Variants in ATP2B2 observed in about 807,000 individuals in gnomAD.
ATP2B2 encodes the protein plasma membrane calcium-transporting ATPase 2.
In ATP2B2, 15 loss-of-function variants were observed where a neutral mutation model predicts 120.0. The ratio of observed to expected loss-of-function variants is 0.12; its 90% CI spans 0.08 to 0.19. The LOEUF (loss-of-function observed/expected upper bound fraction) is 0.19. Ranked by LOEUF, ATP2B2 falls within the 10% of genes least tolerant of loss-of-function variation. The pLI is 1.00. For synonymous variants in ATP2B2, 694 were observed against 700.3 expected (o/e 0.99, Z 0.14); for missense variants, 1,045 against 1,719.8 (o/e 0.61, Z 6.94).
chr3:10,344,976 C>T (rs2060388818), intron 18 of ATP2B2, among the ~76,000 whole-genome samples: 1 of 152,242 alleles, frequency 6.6e-6, no homozygotes, highest in Non-Finnish European at 1.5e-5. Flanking sequence ...AGGGCCCCCA[C>T]TGGCTCTTTG....
chr3:10,495,508 C>T (rs959348940), intron 1 of ATP2B2, among the ~76,000 whole-genome samples: 3 of 152,176 alleles, frequency 2.0e-5, no homozygotes, highest in East Asian at 3.8e-4. Context: ...CGAAATTGCT[C>T]GCTAAACGAG....
rs80203083 is a variant in ATP2B2, at chr3:10,351,707, C to T, written c.2137-1130G>A. Among the ~76,000 whole-genome samples the T allele has an allele frequency of 5.5e-3, 842 of 152,188 alleles. 7 individuals carry two copies. Among genetic ancestry groups the T allele is most frequent in the African/African-American group, 0.019 (790 of 41,520 alleles). ...TAGTGGTAAATCCAGCTAAAATGAG[C>T]GCATCACGGTAAGCCCTAATCCAAC... On this transcript the variant is annotated intron_variant, in intron 14 of 22. Coordinates refer to ENST00000360273, the MANE Select transcript of ATP2B2 (RefSeq NM_001001331.4).
At chr3:10,597,119 A>G (rs1469428634) in intron 2 of ATP2B2, among the ~76,000 whole-genome samples, 1 of 151,326 alleles carries the variant, frequency 6.6e-6, no homozygotes, top group Non-Finnish European at 1.5e-5. Flanking sequence ...ACACGCACAC[A>G]CACATGCACA....
At position 10,546,516 on chromosome 3, in the gene ATP2B2, C is replaced by T. The variant is rs148129537; in HGVS notation, c.-414-12383G>A. Reference sequence around the variant, plus strand: ...GCCCCAGCTGCCAACCTCTCCACCCCGCTGGGGCCACTCAGCCCCTACATG... The same window carrying T: ...GCCCCAGCTGCCAACCTCTCCACCCTGCTGGGGCCACTCAGCCCCTACATG... On this transcript the variant is annotated intron_variant, in intron 2 of 21. Coordinates refer to the ATP2B2 transcript ENST00000646379. Among the ~76,000 whole-genome samples the T allele has an allele frequency of 5.3e-5, 8 of 152,336 alleles. No individual in the cohort carries two copies. In the East Asian group the frequency reaches 1.2e-3, roughly 22 times the overall value.
At chr3:10,706,597 G>C (rs1285811034) in intron 1 of ATP2B2, among the ~76,000 whole-genome samples, 1 of 152,186 alleles carries the variant, frequency 6.6e-6, no homozygotes. Flanking sequence ...GGAAGGCCAC[G>C]GGAATGATTA....
chr3:10,680,334 G>A (rs1445444064), intron 1 of ATP2B2, among the ~76,000 whole-genome samples: 1 of 151,982 alleles, frequency 6.6e-6, no homozygotes, highest in African/African-American at 2.4e-5. Flanking sequence ...TGGAGGCCCA[G>A]GTGAGTGGTA....
intron 2 of ATP2B2, among the ~76,000 whole-genome samples, chr3:10,593,420 C>A (rs1431605417): frequency 1.3e-5 from 2 of 152,194 alleles, no homozygotes; most frequent in South Asian, 2.1e-4. Flanking sequence ...CGGCCTAGAA[C>A]AGGCTGTCTC....
chr3:10,522,164 T>A (rs73026868), intron 3 of ATP2B2, among the ~76,000 whole-genome samples: 5,599 of 152,290 alleles, frequency 0.037, 202 homozygotes, highest in East Asian at 0.19. Context: ...GTTGCCAAGA[T>A]GAAAAGTGCA....
chr3:10,412,090 T>C (rs1419319374), intron 2 of ATP2B2, among the ~76,000 whole-genome samples: 1 of 152,226 alleles, frequency 6.6e-6, no homozygotes, highest in Non-Finnish European at 1.5e-5. Context: ...GCTTTTGCCA[T>C]GTGGCTTCCA....
chr3:10,367,090 G>A (rs1484497786), intron 12 of ATP2B2, among the ~76,000 whole-genome samples: 4 of 152,170 alleles, frequency 2.6e-5, no homozygotes, highest in African/African-American at 9.7e-5. Flanking sequence ...GCGCTGGGAG[G>A]AGAAAGCCCA....
chr3:10,493,238 G>A (rs73119488), intron 1 of ATP2B2, among the ~76,000 whole-genome samples: 6,433 of 152,180 alleles, frequency 0.042, 449 homozygotes, highest in African/African-American at 0.15. Flanking sequence ...GCCATGACAG[G>A]GAATATAGGT....
intron 5 of ATP2B2, among the ~76,000 whole-genome samples, chr3:10,391,627 G>C (rs148207814): frequency 2.2e-4 from 33 of 152,258 alleles, no homozygotes; most frequent in Admixed American, 6.5e-4. Flanking sequence ...TGCGCTCCCC[G>C]CCCAGACCTG....
At chr3:10,399,118 T>C (rs1050899063) in intron 5 of ATP2B2, among the ~76,000 whole-genome samples, 1 of 152,190 alleles carries the variant, frequency 6.6e-6, no homozygotes, top group Non-Finnish European at 1.5e-5. Flanking sequence ...GAAGTTTCCA[T>C]CTTCTTAGGC....
chr3:10,419,578 G>A (rs1033541758), intron 2 of ATP2B2, among the ~76,000 whole-genome samples: 1 of 152,192 alleles, frequency 6.6e-6, no homozygotes, highest in African/African-American at 2.4e-5. Flanking sequence ...TCCTTCCTAT[G>A]TGACCTTGAG....
intron 2 of ATP2B2, among the ~76,000 whole-genome samples, chr3:10,581,823 T>C (rs2068397210): frequency 6.6e-6 from 1 of 152,178 alleles, no homozygotes; most frequent in South Asian, 2.1e-4. Flanking sequence ...ATCATGGGCT[T>C]GTGTGAGGGT....
Position 10,449,539 on chromosome 3 carries a change from C to G in ATP2B2, c.5G>C (p.Gly2Ala), listed in dbSNP as rs199652706. The G allele has an allele frequency of 1.9e-6, 3 of 1,614,128 alleles. No individual in the cohort carries two copies. The highest frequency in any genetic ancestry group is 1.7e-5 in the Admixed American group (1 of 60,014). The change falls in exon 2 of 23, where the codon GGT becomes GCT. Residue 2 changes from glycine to alanine, a missense_variant. Coordinates refer to ENST00000360273, the MANE Select transcript of ATP2B2 (RefSeq NM_001001331.4). M[G>A]DMTNSDFYSK... ...GTAAAAGTCGCTGTTGGTCATGTCA[C>G]CCATGTTTGCTGCGGTCCTTGCTCG...
intron 1 of ATP2B2, among the ~76,000 whole-genome samples, chr3:10,470,669 C>A (rs2064946414): frequency 6.6e-6 from 1 of 152,222 alleles, no homozygotes; most frequent in Admixed American, 6.5e-5. Context: ...GCCAAGTTCA[C>A]TGGCAGAGTC....
rs2059932856 is a variant in ATP2B2 at position 10,329,876 on chromosome 3, A to G, written c.3421-751T>C. Reference sequence around the variant, plus strand: ...CACACACAGACAGACACACGGCTACACTTGGAAGCCTGGACAATGTGAACG... The same window carrying G: ...CACACACAGACAGACACACGGCTACGCTTGGAAGCCTGGACAATGTGAACG... On this transcript the variant is annotated intron_variant, in intron 22 of 22. Transcript: ENST00000360273. The surrounding 1 kb of genome is among the most constrained non-coding windows in gnomAD (Gnocchi z 5.9). 6.6e-6 allele frequency among the ~76,000 whole-genome samples: 1 copy of G among 152,188 alleles called. No individual in the cohort carries two copies.
At chr3:10,608,418 T>C (rs955965821) in intron 2 of ATP2B2, among the ~76,000 whole-genome samples, 2 of 152,226 alleles carry the variant, frequency 1.3e-5, no homozygotes, top group African/African-American at 4.8e-5. Flanking sequence ...AGTGAGACCT[T>C]ACCTCTTAAC....
Sources: gnomAD v4.1 joint callset for allele counts (sites outside exome capture counted in the v4.1 genomes callset) on GRCh38, gnomAD v4.1.1 for gene constraint, Gnocchi (gnomAD v3.1) non-coding constraint, MANE v1.5 for transcripts, NCBI Gene and HGNC (gene_info 2026-07-23, HGNC 2026-07-21) for gene names.